Variants in CRACD observed in about 807,000 individuals in gnomAD.
CRACD encodes capping protein-inhibiting regulator of actin dynamics.
In CRACD, 56 loss-of-function variants were observed where a neutral mutation model predicts 106.8. That is an observed-to-expected ratio of 0.52 (90% CI 0.42 to 0.66). The LOEUF is 0.66. Ranked by LOEUF, CRACD falls within the 30% of genes least tolerant of loss-of-function variation. The probability of loss-of-function intolerance (pLI) is 0.00; values close to 1 mark genes in which losing one functional copy is unlikely to be tolerated. For missense variants in CRACD, 1,730 were observed against 1,623.2 expected (o/e 1.07, Z -1.13); for synonymous variants, 754 against 670.8 (o/e 1.12, Z -1.92).
At chr4:56,160,323 C>G (rs1202199361) in intron 1 of CRACD, among the ~76,000 whole-genome samples, 1 of 151,770 alleles carries the variant, frequency 6.6e-6, no homozygotes, top group African/African-American at 2.4e-5. Flanking sequence ...GCTTGAATTA[C>G]AGGCATGTGC....
chr4:56,087,859 A>AT (rs1733282237), intron 1 of CRACD, among the ~76,000 whole-genome samples: 1 of 151,610 alleles, frequency 6.6e-6, no homozygotes, highest in Non-Finnish European at 1.5e-5. Context: ...GTGTGTCATC[A>AT]CTCTTTCTTC....
At chr4:56,079,736 A>C (rs1048678925) in intron 1 of CRACD, among the ~76,000 whole-genome samples, 1 of 152,156 alleles carries the variant, frequency 6.6e-6, no homozygotes, top group Non-Finnish European at 1.5e-5. Flanking sequence ...GGCATGAGCC[A>C]CTGTGCCTGG....
At chr4:56,109,241 C>G (rs550148746) in intron 1 of CRACD, among the ~76,000 whole-genome samples, 1 of 152,160 alleles carries the variant, frequency 6.6e-6, no homozygotes, top group African/African-American at 2.4e-5. Context: ...AGTAATGCAA[C>G]GAAGAGTAAT....
At chr4:56,085,230 C>T (rs1028211811) in intron 1 of CRACD, among the ~76,000 whole-genome samples, 10 of 152,148 alleles carry the variant, frequency 6.6e-5, no homozygotes, top group African/African-American at 2.2e-4. Flanking sequence ...GTGTGCTGCG[C>T]ATGACTAAAT....
rs139385928 is a variant in CRACD at position 56,125,241 on chromosome 4, A to G, written c.-335-54043A>G. On this transcript the variant is annotated intron_variant, in intron 1 of 10. Coordinates refer to ENST00000682029, the MANE Select transcript of CRACD (RefSeq NM_001393381.1). ...ATGAGTTATGACCTGAGGATTGCAA[A>G]ATGTTGATTTTTTTAAATTGTATTG... Among the ~76,000 whole-genome samples the G allele has an allele frequency of 3.4e-3, 523 of 152,198 alleles. 3 individuals carry two copies. The highest frequency in any genetic ancestry group is 0.012 in the African/African-American group (500 of 41,514).
At chr4:56,136,358 G>T (rs1735000199) in intron 1 of CRACD, among the ~76,000 whole-genome samples, 1 of 152,160 alleles carries the variant, frequency 6.6e-6, no homozygotes, top group Admixed American at 6.5e-5. Context: ...TAGTGTCTGT[G>T]CCATTACACA....
Position 56,314,253 on chromosome 4 carries a change from C to T in CRACD, c.751C>T (p.Gln251Ter). Reference sequence around the variant, plus strand: ...AGCCGAGAAGAGACGCCTAGAGGAGCAGAGGCTGCAGGCGCTGGAGAGGAG... The same window carrying T: ...AGCCGAGAAGAGACGCCTAGAGGAGTAGAGGCTGCAGGCGCTGGAGAGGAG... ...EAAEKRRLEE[Q>*]RLQALERRLW... is the part of the protein sequence containing the mutation. Residue 251 changes from glutamine (Q) to a stop codon, truncating the protein, a stop_gained, in exon 8 of 11, where the codon CAG becomes TAG. Coordinates refer to ENST00000682029, the MANE Select transcript of CRACD (RefSeq NM_001393381.1). LOFTEE classifies it high-confidence loss of function. This position sits in a 1 kb window ranked among gnomAD's most constrained non-coding sequence, Gnocchi z 4.4. 2 of 1,575,116 alleles carry T rather than the reference C, an allele frequency of 1.3e-6. No homozygotes were observed. The highest frequency in any genetic ancestry group is 1.7e-6 in the Non-Finnish European group (2 of 1,159,772).
rs73817461 is a variant in CRACD, at chr4:56,274,301, T to C, written c.-17+1809T>C. On this transcript the variant is annotated intron_variant, in intron 3 of 10. Coordinates refer to ENST00000682029, the MANE Select transcript of CRACD (RefSeq NM_001393381.1). Reference sequence around the variant, plus strand: ...TCACGGTATCAGGATGAGGAACAGATAGTAAAATGAGAGTAAGTGGCAGTT... The same window carrying C: ...TCACGGTATCAGGATGAGGAACAGACAGTAAAATGAGAGTAAGTGGCAGTT... Among the ~76,000 whole-genome samples the C allele has an allele frequency of 2.1e-3, 323 of 151,878 alleles. 3 individuals are homozygous for C. The highest frequency in any genetic ancestry group is 5.4e-3 in the African/African-American group (224 of 41,170).
rs1745354046 is a variant in CRACD at position 56,314,264 on chromosome 4, G to A, written c.762G>A (p.Gln254=). Residue 254 remains glutamine (Q), a synonymous_variant, in exon 8 of 11, where the codon CAG becomes CAA. Transcript: ENST00000682029. This position sits in a 1 kb window ranked among gnomAD's most constrained non-coding sequence, Gnocchi z 4.4. ...EKRRLEEQRL[Q]ALERRLWEEN... ...GACGCCTAGAGGAGCAGAGGCTGCA[G>A]GCGCTGGAGAGGAGGCTTTGGGAAG... 6.4e-7 allele frequency: 1 copy of A among 1,567,848 alleles called. No individual in the cohort carries two copies. The highest frequency in any genetic ancestry group is 8.7e-7 in the Non-Finnish European group (1 of 1,155,722).
At chr4:56,082,483 T>C (rs2109810047) in intron 1 of CRACD, among the ~76,000 whole-genome samples, 1 of 152,352 alleles carries the variant, frequency 6.6e-6, no homozygotes, top group Non-Finnish European at 1.5e-5. Context: ...CTAAGGTGAC[T>C]GCAGAAGAGA....
chr4:56,251,514 A>G (rs1413818834), intron 2 of CRACD, among the ~76,000 whole-genome samples: 7 of 152,198 alleles, frequency 4.6e-5, no homozygotes, highest in Non-Finnish European at 1.0e-4. Flanking sequence ...TACTTTCTTA[A>G]AGTTCTACCC....
intron 2 of CRACD, among the ~76,000 whole-genome samples, chr4:56,183,803 GA>G (rs1736961584): frequency 6.6e-6 from 1 of 152,186 alleles, no homozygotes; most frequent in Non-Finnish European, 1.5e-5. Context: ...ATGTGGAAGT[GA>G]AAGGGGAAGG....
At chr4:56,085,106 C>T (rs1041872749) in intron 1 of CRACD, among the ~76,000 whole-genome samples, 2 of 152,072 alleles carry the variant, frequency 1.3e-5, no homozygotes, top group South Asian at 2.1e-4. Flanking sequence ...ACAGATCATA[C>T]TTCCTGACAT....
intron 1 of CRACD, among the ~76,000 whole-genome samples, chr4:56,053,918 T>C (rs73817317): frequency 3.3e-5 from 5 of 152,350 alleles, no homozygotes; most frequent in African/African-American, 1.2e-4. Flanking sequence ...ATTGCATTTA[T>C]TTTTGAACAT....
chr4:56,081,037 T>G (rs1733004536), intron 1 of CRACD, among the ~76,000 whole-genome samples: 1 of 152,230 alleles, frequency 6.6e-6, no homozygotes, highest in South Asian at 2.1e-4. Context: ...AAATTTTTTT[T>G]GTAGAGATGG....
At chr4:56,317,649 T>C (rs1294559370) in intron 8 of CRACD, among the ~76,000 whole-genome samples, 2 of 152,190 alleles carry the variant, frequency 1.3e-5, no homozygotes, top group Non-Finnish European at 2.9e-5. Flanking sequence ...TAGGGGACTT[T>C]AGGTGTCTCC....
chr4:56,085,459 GCTCTGCT>G (rs2109813232), intron 1 of CRACD, among the ~76,000 whole-genome samples: 1 of 152,228 alleles, frequency 6.6e-6, no homozygotes, highest in East Asian at 1.9e-4. Flanking sequence ...TCTTGTCTGA[GCTCTGCT>G]GCTGAATAGC....
At chr4:56,101,228 A>G (rs778509534) in intron 1 of CRACD, among the ~76,000 whole-genome samples, 11 of 151,628 alleles carry the variant, frequency 7.3e-5, no homozygotes, top group Non-Finnish European at 1.0e-4. Context: ...TAGGAAAACA[A>G]CCTGATTTTC....
At chr4:56,175,457 C>T (rs761226942) in intron 1 of CRACD, among the ~76,000 whole-genome samples, 51 of 152,072 alleles carry the variant, frequency 3.4e-4, no homozygotes, top group Non-Finnish European at 5.9e-4. Flanking sequence ...TGTCTTTTGC[C>T]ATTTTAATTC....
Sources: allele counts gnomAD v4.1 joint callset (sites outside exome capture counted in the v4.1 genomes callset), GRCh38; gene constraint gnomAD v4.1.1; non-coding constraint Gnocchi (gnomAD v3.1); transcripts MANE v1.5; gene names NCBI Gene and HGNC (gene_info 2026-07-23, HGNC 2026-07-21).